NCKAP1L: variants seen among roughly 807,000 people sequenced by gnomAD.
The protein encoded by NCKAP1L is nck-associated protein 1-like.
In NCKAP1L, 53 loss-of-function variants were observed where a neutral mutation model predicts 139.2. The ratio of observed to expected loss-of-function variants is 0.38; its 90% CI spans 0.31 to 0.48. The LOEUF is 0.48. Among genes scored for constraint, NCKAP1L ranks in the 20% least tolerant of loss-of-function variants. The pLI is 0.98. For missense variants in NCKAP1L, 1,151 were observed against 1,381.9 expected (o/e 0.83, Z 2.65); for synonymous variants, 468 against 499.7 (o/e 0.94, Z 0.85).
Position 54,506,796 on chromosome 12 carries a change from A to AAAAAAAATATATAT in NCKAP1L, c.307-1056_307-1055insAAAAAATATATATA. On this transcript the variant is annotated intron_variant, in intron 3 of 30. Coordinates refer to ENST00000293373, the MANE Select transcript of NCKAP1L (RefSeq NM_005337.5). ...TTTTGGCAACATATTAAAAAAAAAA[A>AAAAAAAATATATAT]ATATATATATATATATATATATATA... 2.7e-3 allele frequency among the ~76,000 whole-genome samples: 138 copies of AAAAAAAATATATAT among 50,600 alleles called. 2 individuals are homozygous for AAAAAAAATATATAT. The highest frequency in any genetic ancestry group is 4.7e-3 in the South Asian group (4 of 844). The allele number at this position is 50,600 out of a possible 152,430, so 33.2% of individuals were successfully genotyped here.
In NCKAP1L at chr12:54,542,750, G is replaced by A; in HGVS notation, c.*65G>A. ...CTAAACCCTTGCCATAGTGGAAGCT[G>A]TGGTCACTTTCGCAGGGGGTGGGAA... On this transcript the variant is annotated 3_prime_UTR_variant, in exon 31 of 31. Transcript: ENST00000293373. The A allele has an allele frequency of 9.1e-7, 1 of 1,097,876 alleles. No individual in the cohort carries two copies. The highest frequency in any genetic ancestry group is 1.4e-6 in the Non-Finnish European group (1 of 722,060). The allele number at this position is 1,097,876 out of a possible 1,614,324, so 68.0% of individuals were successfully genotyped here. A position where few individuals can be genotyped will look rare whatever the true frequency, so the allele number is the denominator to read the frequency against.
chr12:54,535,884 C>G (rs2120970167), intron 27 of NCKAP1L, among the ~76,000 whole-genome samples: 1 of 152,340 alleles, frequency 6.6e-6, no homozygotes, highest in South Asian at 2.1e-4. Flanking sequence ...GAGCCCTTGG[C>G]TGAAAGTTCT....
intron 22 of NCKAP1L, among the ~76,000 whole-genome samples, chr12:54,529,225 A>G (rs1957049043): frequency 6.6e-6 from 1 of 152,184 alleles, no homozygotes; most frequent in African/African-American, 2.4e-5. Context: ...GTCAAACTCC[A>G]GGAACTGGGG....
rs1460288180 is a variant in NCKAP1L, at chr12:54,544,813, A to G, written c.*2128A>G. The G allele has an allele frequency of 6.6e-6, 1 of 152,354 alleles. No homozygotes were observed. Among genetic ancestry groups the G allele is most frequent in the East Asian group, 1.9e-4 (1 of 5,202 alleles). The allele number at this position is 152,354 out of a possible 1,614,324, so 9.4% of individuals were successfully genotyped here. On this transcript the variant is annotated 3_prime_UTR_variant, in exon 31 of 31. Transcript: ENST00000293373. ...CAGGGGTTTGAGAGCAGCCTGGCCA[A>G]TATAGTGAAACACCGTCTCTACTAA...
At chr12:54,514,635 A>G (rs889675919) in intron 9 of NCKAP1L, among the ~76,000 whole-genome samples, 4 of 152,122 alleles carry the variant, frequency 2.6e-5, no homozygotes, top group Non-Finnish European at 4.4e-5. Flanking sequence ...GAATCTGTGA[A>G]TATTTCTATA....
intron 1 of NCKAP1L, chr12:54,498,913 A>ATATTTATTTATTTATTTATTTATTTATT (rs10528777): frequency 2.7e-4 from 54 of 202,310 alleles, no homozygotes; most frequent in African/African-American, 9.8e-4. Context: ...TTTTATTTTT[A>ATATTTATTTATTTATTTATTTATTTATT]TATTTATTTA....
At chr12:54,530,997 T>G (rs1387098749) in intron 22 of NCKAP1L, among the ~76,000 whole-genome samples, 3 of 152,170 alleles carry the variant, frequency 2.0e-5, no homozygotes, top group Non-Finnish European at 4.4e-5. Flanking sequence ...CGGGAAAGTA[T>G]AGATTCTTAT....
At chr12:54,517,450 C>T (rs1038333436) in intron 11 of NCKAP1L, 83 bp from the exon 12 acceptor site, 3 of 898,706 alleles carry the variant, frequency 3.3e-6, no homozygotes, top group Admixed American at 1.9e-5. Flanking sequence ...ACATCCATAC[C>T]TATATTATCA....
chr12:54,511,755 A>T (rs1394827511), intron 7 of NCKAP1L, 48 bp from the exon 8 acceptor site: 2 of 1,598,988 alleles, frequency 1.3e-6, no homozygotes, highest in South Asian at 2.2e-5. Context: ...TCTCCTTTAG[A>T]GGAAGGCCAA....
At chr12:54,533,981 T>TG (rs1381604202) in intron 26 of NCKAP1L, among the ~76,000 whole-genome samples, 1 of 152,184 alleles carries the variant, frequency 6.6e-6, no homozygotes, top group Non-Finnish European at 1.5e-5. Context: ...GTACTTAGTA[T>TG]GGGAGTAGGG....
intron 29 of NCKAP1L, 45 bp from the exon 30 acceptor site, chr12:54,538,839 T>TA: frequency 6.9e-7 from 1 of 1,456,654 alleles, no homozygotes; most frequent in South Asian, 1.1e-5. Flanking sequence ...GGCCATTTGA[T>TA]ACTGACCTGT....
At chr12:54,535,270 T>C in intron 27 of NCKAP1L, 73 bp downstream of exon 27, 1 of 1,137,266 alleles carries the variant, frequency 8.8e-7, no homozygotes, top group African/African-American at 1.5e-5. Flanking sequence ...AAAATGTCAA[T>C]GTCAAAGAAG....
intron 3 of NCKAP1L, among the ~76,000 whole-genome samples, chr12:54,505,112 G>T (rs1044026805): frequency 1.5e-4 from 23 of 152,152 alleles, no homozygotes; most frequent in Non-Finnish European, 8.8e-5. Flanking sequence ...ATGATCTTAG[G>T]CCAGTTTCTT....
At position 54,545,073 on chromosome 12, in the gene NCKAP1L, T is replaced by C. The variant is rs1208205338; in HGVS notation, c.*2388T>C. On this transcript the variant is annotated 3_prime_UTR_variant, in exon 31 of 31. Coordinates refer to ENST00000293373, the MANE Select transcript of NCKAP1L (RefSeq NM_005337.5). ...AAGGATCCCTCGCATTGCTCTTTTA[T>C]AGCAATTTTATAGCAATTTTCTCCT... 1 of 152,250 alleles carries C rather than the reference T, an allele frequency of 6.6e-6. No homozygotes were observed. The highest frequency in any genetic ancestry group is 1.5e-5 in the Non-Finnish European group (1 of 68,044). 9.4% of individuals were successfully genotyped at this position (152,250 alleles called of 1,614,324 possible).
intron 3 of NCKAP1L, 127 bp downstream of exon 3, chr12:54,500,752 A>G (rs1001256753): frequency 1.5e-6 from 1 of 671,742 alleles, no homozygotes. Context: ...ATATGGAAGG[A>G]TATCTAAGTT....
At chr12:54,514,445 C>CCAAGTAGCTGGGATTACAGGCAT (rs1416793452) in intron 9 of NCKAP1L, among the ~76,000 whole-genome samples, 1 of 152,058 alleles carries the variant, frequency 6.6e-6, no homozygotes, top group Non-Finnish European at 1.5e-5. Context: ...TTTCAGCCTC[C>CCAAGTAGCTGGGATTACAGGCAT]CAAGTAGCTG....
In NCKAP1L at chr12:54,523,447, C is replaced by T; in HGVS notation, c.1932C>T (p.Thr644=). 1 of 1,614,076 alleles carries T rather than the reference C, an allele frequency of 6.2e-7. No homozygotes were observed. Among genetic ancestry groups the T allele is most frequent in the Non-Finnish European group, 8.5e-7 (1 of 1,180,004 alleles). Reference sequence around the variant, plus strand: ...TCAGCAAAGCCAAGAACAAGAAAACCAGGAAGCAGAGGCAGACTCCCAGAA... The same window carrying T: ...TCAGCAAAGCCAAGAACAAGAAAACTAGGAAGCAGAGGCAGACTCCCAGAA... The part of the protein sequence containing the change: ...TTISKAKNKK[T]RKQRQTPRKG... Residue 644 remains threonine (T), a synonymous_variant, in exon 19 of 31, where the codon ACC becomes ACT. Transcript: ENST00000293373.
At chr12:54,529,005 C>T (rs1029719396) in intron 22 of NCKAP1L, among the ~76,000 whole-genome samples, 3 of 152,082 alleles carry the variant, frequency 2.0e-5, no homozygotes, top group Non-Finnish European at 4.4e-5. Context: ...TTAATAATAA[C>T]GATGATGAGA....
rs115387669 is a variant in NCKAP1L at position 54,504,587 on chromosome 12, G to A, written c.307-3266G>A. Reference sequence around the variant, plus strand: ...GTTCTGAGCCCAAGGTGTTTGGTACGGCTTGTTTAGGAAAGGAGGGGAAAT... The same window carrying A: ...GTTCTGAGCCCAAGGTGTTTGGTACAGCTTGTTTAGGAAAGGAGGGGAAAT... On this transcript the variant is annotated intron_variant, in intron 3 of 30. Transcript: ENST00000293373. Among the ~76,000 whole-genome samples, 378 of 152,298 alleles carry A rather than the reference G, an allele frequency of 2.5e-3. 2 individuals are homozygous for A. The highest frequency in any genetic ancestry group is 8.3e-3 in the African/African-American group (345 of 41,560).
Sources: allele counts gnomAD v4.1 joint callset (sites outside exome capture counted in the v4.1 genomes callset), GRCh38; gene constraint gnomAD v4.1.1; transcripts MANE v1.5; gene names NCBI Gene and HGNC (gene_info 2026-07-23, HGNC 2026-07-21).